TCL1B: variants seen among roughly 807,000 people sequenced by gnomAD.
TCL1B encodes TCL1 family AKT coactivator B, also known as T-cell leukemia/lymphoma protein 1B.
TCL1B carries 14 observed loss-of-function variants against 16.9 expected under a neutral mutation model. The observed-to-expected ratio is 0.83, with a 90% CI of 0.55 to 1.30. The LOEUF (loss-of-function observed/expected upper bound fraction) is 1.30. TCL1B is among the 50% of genes most tolerant of loss of function. TCL1B has a pLI of 0.00. For missense variants in TCL1B, 166 were observed against 165.2 expected, an observed-to-expected ratio of 1.00 and a Z score of -0.03; for synonymous variants, 79 against 66.6, an observed-to-expected ratio of 1.19 and a Z score of -0.91.
At chr14:95,690,355 T>C (rs1415129151) in intron 1 of TCL1B, among the ~76,000 whole-genome samples, 7 of 147,526 alleles carry the variant, frequency 4.7e-5, no homozygotes, top group Non-Finnish European at 8.9e-5. Flanking sequence ...AACTGCCATA[T>C]ATTTTGGCGG....
intron 1 of TCL1B, 63 bp from the exon 2 acceptor site, chr14:95,690,673 T>C: frequency 1.3e-6 from 2 of 1,550,250 alleles, no homozygotes; most frequent in Non-Finnish European, 1.8e-6. Flanking sequence ...CCATTGCTTG[T>C]GTGCAGCCCA....
chr14:95,686,731 C>CAGAAG, intron 1 of TCL1B, 102 bp downstream of exon 1: 1 of 1,358,104 alleles, frequency 7.4e-7, no homozygotes, highest in Non-Finnish European at 9.8e-7. Flanking sequence ...CTCACCCGCA[C>CAGAAG]TGGAAAACTC....
chr14:95,687,277 G>A (rs984515277), intron 1 of TCL1B, among the ~76,000 whole-genome samples: 2 of 152,132 alleles, frequency 1.3e-5, no homozygotes, highest in Admixed American at 6.5e-5. Flanking sequence ...CTCAGGAAAC[G>A]GCTGTAGATG....
intron 1 of TCL1B, 31 bp downstream of exon 1, chr14:95,686,660 G>A: frequency 1.3e-6 from 2 of 1,580,848 alleles, no homozygotes; most frequent in Non-Finnish European, 8.6e-7. Context: ...GAGGCTGTGG[G>A]GAGGGCTGCG....
At chr14:95,690,663 CCAT>C in intron 1 of TCL1B, 70 bp from the exon 2 acceptor site, 1 of 1,510,430 alleles carries the variant, frequency 6.6e-7, no homozygotes, top group Non-Finnish European at 9.1e-7. Flanking sequence ...AGCCCACTGG[CCAT>C]TGCTTGTGTG....
intron 1 of TCL1B, among the ~76,000 whole-genome samples, chr14:95,689,629 G>A (rs1885840221): frequency 6.6e-6 from 1 of 152,216 alleles, no homozygotes; most frequent in South Asian, 2.1e-4. Context: ...GAGGGAAGGA[G>A]CCTTAGTTTA....
In TCL1B at chr14:95,692,602, GTTAA is replaced by G. The variant is rs1885909802; in HGVS notation, c.*692_*695del. The G allele has an allele frequency of 6.6e-6, 1 of 152,248 alleles. No homozygotes were observed. The highest frequency in any genetic ancestry group is 2.1e-4 in the South Asian group (1 of 4,836). 9.4% of individuals were successfully genotyped at this position (152,248 alleles called of 1,614,324 possible). A position where few individuals can be genotyped will look rare whatever the true frequency, so the allele number is the denominator to read the frequency against. On this transcript the variant is annotated 3_prime_UTR_variant, in exon 4 of 4. Transcript: ENST00000340722. ...CCGTGAAGGTGACCTCACAGTACTG[GTTAA>G]TTAAACTTTATTGCTCACTGTCCAC...
At position 95,691,637 on chromosome 14, in the gene TCL1B, T is replaced by C. The variant is rs148354912; in HGVS notation, c.*16-294T>C. ...ATTTCACGACGAAAAGACAAGACTC[T>C]GGGGATGGGAATGACTTCCTCGAGA... is the stretch of plus-strand genomic sequence containing the variant. On this transcript the variant is annotated intron_variant, in intron 3 of 3. Coordinates refer to ENST00000340722, the MANE Select transcript of TCL1B (RefSeq NM_004918.4). The C allele has an allele frequency of 2.1e-3, 558 of 263,692 alleles. 1 individual carries two copies. The highest frequency in any genetic ancestry group is 0.011 in the African/African-American group (502 of 45,046). The allele number at this position is 263,692 out of a possible 1,614,324, so 16.3% of individuals were successfully genotyped here.
chr14:95,691,119 T>C, intron 2 of TCL1B, 149 bp from the exon 3 acceptor site: 1 of 1,076,998 alleles, frequency 9.3e-7, no homozygotes. Flanking sequence ...GAGGGAGGGT[T>C]GCCTTCCCTG....
chr14:95,690,792 ACT>A lies in TCL1B; in HGVS notation c.223_224del (p.Ser75LeufsTer38). On this transcript the variant is annotated frameshift_variant, in exon 2 of 4. Transcript: ENST00000340722. LOFTEE classifies it high-confidence loss of function. ...AGATGGCAGTGCATACCCGGGAGCT[ACT>A]CTCCTCCGGCCAGATGCCCTTCTCC... ...WQMAVHTREL[L>X]SSGQMPFSQL... The A allele has an allele frequency of 6.2e-7, 1 of 1,613,896 alleles. No individual in the cohort carries two copies. Among genetic ancestry groups the A allele is most frequent in the Non-Finnish European group, 8.5e-7 (1 of 1,179,952 alleles).
Position 95,691,204 on chromosome 14 carries a change from G to A in TCL1B, c.334-64G>A, listed in dbSNP as rs370573442. The A allele has an allele frequency of 2.7e-5, 42 of 1,569,832 alleles. 1 individual carries two copies. The highest frequency in any genetic ancestry group is 2.1e-4 in the South Asian group (18 of 86,834). On this transcript the variant is annotated intron_variant, in intron 2 of 3. Transcript: ENST00000340722. Reference sequence around the variant, plus strand: ...GCTGCTGCTGCCAGCCTGCATGGGCGGCCGTTAAGGCCAACTGGAAGAGCA... The same window carrying A: ...GCTGCTGCTGCCAGCCTGCATGGGCAGCCGTTAAGGCCAACTGGAAGAGCA...
chr14:95,690,696 C>A (rs370137649), intron 1 of TCL1B, 40 bp from the exon 2 acceptor site: 12 of 1,586,374 alleles, frequency 7.6e-6, no homozygotes, highest in African/African-American at 1.3e-5. Flanking sequence ...TGGCAGGGAA[C>A]CCTATCCATG....
chr14:95,689,913 T>G (rs557723852), intron 1 of TCL1B, among the ~76,000 whole-genome samples: 3 of 152,262 alleles, frequency 2.0e-5, no homozygotes, highest in African/African-American at 7.2e-5. Context: ...CAAAAGACTT[T>G]CCATTTTGTT....
At position 95,691,347 on chromosome 14, in the gene TCL1B, G is replaced by C; in HGVS notation, c.*15+11G>C. The C allele has an allele frequency of 6.2e-7, 1 of 1,612,322 alleles. No homozygotes were observed. The highest frequency in any genetic ancestry group is 8.5e-7 in the Non-Finnish European group (1 of 1,179,654). ...CACTGGGAGTGGCTGGTATGTTGGG[G>C]CCCTGTGCGTCTCAGTGTAGGGATC... On this transcript the variant is annotated intron_variant, in intron 3 of 3. Transcript: ENST00000340722.
Position 95,686,462 on chromosome 14 carries a change from C to A in TCL1B, c.-6C>A, listed in dbSNP as rs1389957910. 2.5e-6 allele frequency: 4 copies of A among 1,582,286 alleles called. No homozygotes were observed. The highest frequency in any genetic ancestry group is 3.4e-6 in the Non-Finnish European group (4 of 1,165,506). ...CCTAGAGGCGGGTCCCGGTTGCAGA[C>A]TTGCCATGGCCTCCGAAGCTTCTGT... On this transcript the variant is annotated 5_prime_UTR_variant, in exon 1 of 4. Transcript: ENST00000340722.
chr14:95,690,705 T>C, intron 1 of TCL1B, 31 bp from the exon 2 acceptor site: 3 of 1,591,218 alleles, frequency 1.9e-6, no homozygotes, highest in African/African-American at 2.7e-5. Context: ...ACCCTATCCA[T>C]GATTTGCCGC....
At position 95,686,442 on chromosome 14, in the gene TCL1B, A is replaced by C; in HGVS notation, c.-26A>C. ...TGGAAAGCTACACGTGTGAGCCTAG[A>C]GGCGGGTCCCGGTTGCAGACTTGCC... is the stretch of plus-strand genomic sequence containing the variant. On this transcript the variant is annotated 5_prime_UTR_variant, in exon 1 of 4. Transcript: ENST00000340722. 1 of 1,575,856 alleles carries C rather than the reference A, an allele frequency of 6.3e-7. No homozygotes were observed. Among genetic ancestry groups the C allele is most frequent in the Non-Finnish European group, 8.6e-7 (1 of 1,162,616 alleles).
At chr14:95,687,648 C>A (rs765490713) in intron 1 of TCL1B, among the ~76,000 whole-genome samples, 1 of 152,112 alleles carries the variant, frequency 6.6e-6, no homozygotes. Flanking sequence ...AAAGCATATC[C>A]GGATATTTAA....
chr14:95,692,379 G>C lies in TCL1B; in HGVS notation c.*464G>C, dbSNP rs1362577242. 2 of 152,342 alleles carry C rather than the reference G, an allele frequency of 1.3e-5. No individual in the cohort carries two copies. The highest frequency in any genetic ancestry group is 2.9e-5 in the Non-Finnish European group (2 of 68,126). 9.4% of individuals were successfully genotyped at this position (152,342 alleles called of 1,614,324 possible). On this transcript the variant is annotated 3_prime_UTR_variant, in exon 4 of 4. Transcript: ENST00000340722. The stretch of plus-strand genomic sequence containing the variant: ...GGTTTAAGAGATGGCATTAGAGGGA[G>C]CCCAGTCTGGATGTGGACTTGGATG...
Sources: gnomAD v4.1 joint callset for allele counts (sites outside exome capture counted in the v4.1 genomes callset) on GRCh38, gnomAD v4.1.1 for gene constraint, MANE v1.5 for transcripts, NCBI Gene and HGNC (gene_info 2026-07-23, HGNC 2026-07-21) for gene names.